DGKB: variants seen among roughly 807,000 people sequenced by gnomAD.
DGKB encodes diacylglycerol kinase beta.
A neutral mutation model predicts 114.3 loss-of-function variants in DGKB; 67 were observed. That is an observed-to-expected ratio of 0.59 (90% CI 0.48 to 0.72). The LOEUF is 0.72. Ranked by LOEUF, DGKB falls within the 30% of genes least tolerant of loss-of-function variation. The pLI is 0.00. For missense variants in DGKB, 907 were observed against 975.2 expected (o/e 0.93, Z 0.93); for synonymous variants, 398 against 323.1 (o/e 1.23, Z -2.49).
intron 12 of DGKB, among the ~76,000 whole-genome samples, chr7:14,675,715 A>G (rs116318573): frequency 0.015 from 2,285 of 152,054 alleles, 54 homozygotes; most frequent in African/African-American, 0.052. Flanking sequence ...AAGTTTAGTA[A>G]CCATACTATC....
At chr7:14,767,868 T>C (rs1375104819) in intron 2 of DGKB, among the ~76,000 whole-genome samples, 6 of 152,000 alleles carry the variant, frequency 3.9e-5, no homozygotes, top group African/African-American at 1.2e-4. Flanking sequence ...TAAGTTCTTA[T>C]GTGGGTTGCA....
At chr7:14,493,951 CACACACACACAT>C (rs979395485) in intron 20 of DGKB, among the ~76,000 whole-genome samples, 9 of 151,490 alleles carry the variant, frequency 5.9e-5, no homozygotes, top group South Asian at 2.1e-4. Flanking sequence ...CACACACACA[CACACACACACAT>C]CTATGTACAC....
chr7:14,920,047 G>C (rs182193221), intron 1 of DGKB, among the ~76,000 whole-genome samples: 1 of 152,110 alleles, frequency 6.6e-6, no homozygotes, highest in African/African-American at 2.4e-5. Context: ...ACAAACTAAT[G>C]AATACAAACA....
chr7:14,822,407 T>C (rs1281110041), intron 2 of DGKB, among the ~76,000 whole-genome samples: 2 of 151,954 alleles, frequency 1.3e-5, no homozygotes, highest in Non-Finnish European at 2.9e-5. Context: ...TAATCAGATA[T>C]AGGGTAGGAA....
At chr7:14,239,202 T>C (rs1416535444) in intron 23 of DGKB, among the ~76,000 whole-genome samples, 3 of 152,102 alleles carry the variant, frequency 2.0e-5, no homozygotes, top group Non-Finnish European at 1.5e-5. Flanking sequence ...TGGGTTGTTT[T>C]GGCAATAAAA....
intron 2 of DGKB, among the ~76,000 whole-genome samples, chr7:14,823,028 C>CT (rs973226286): frequency 6.6e-6 from 1 of 151,908 alleles, no homozygotes; most frequent in African/African-American, 2.4e-5. Flanking sequence ...GTAAATAGTA[C>CT]TTTTAAAAAA....
Position 14,148,206 on chromosome 7 carries a change from G to A in DGKB, c.*925C>T, listed in dbSNP as rs1054873675. On this transcript the variant is annotated 3_prime_UTR_variant, in exon 26 of 26. Coordinates refer to ENST00000402815, the MANE Select transcript of DGKB (RefSeq NM_001350709.2). ...ATCATAATTAATGGGCAACTCACTC[G>A]CTTTCCAGCATTTTAGTCATCACAA... 3 of 152,554 alleles carry A rather than the reference G, an allele frequency of 2.0e-5. No homozygotes were observed. Among genetic ancestry groups the A allele is most frequent in the Non-Finnish European group, 2.9e-5 (2 of 68,012 alleles). 9.5% of individuals were successfully genotyped at this position (152,554 alleles called of 1,614,324 possible).
chr7:14,946,977 A>T (rs1785918031), intron 1 of DGKB, among the ~76,000 whole-genome samples: 1 of 151,712 alleles, frequency 6.6e-6, no homozygotes, highest in Admixed American at 6.6e-5. Flanking sequence ...AATAAGTCAT[A>T]CTCTAAGAAC....
chr7:14,743,773 T>C (rs555974538), intron 4 of DGKB, among the ~76,000 whole-genome samples: 1 of 152,314 alleles, frequency 6.6e-6, no homozygotes, highest in African/African-American at 2.4e-5. Flanking sequence ...AACCACATTT[T>C]GTCAATCACA....
chr7:14,729,358 G>C (rs968005101), intron 5 of DGKB, among the ~76,000 whole-genome samples: 3 of 151,930 alleles, frequency 2.0e-5, no homozygotes, highest in Non-Finnish European at 4.4e-5. Flanking sequence ...TCCTGACCTT[G>C]TGATTCGCCC....
intron 1 of DGKB, among the ~76,000 whole-genome samples, chr7:14,918,444 G>C (rs1245825872): frequency 1.3e-5 from 2 of 152,060 alleles, no homozygotes; most frequent in Non-Finnish European, 2.9e-5. Flanking sequence ...AAATTAAATT[G>C]CCTTTCTATA....
intron 20 of DGKB, among the ~76,000 whole-genome samples, chr7:14,508,141 T>G (rs1390283329): frequency 1.3e-5 from 2 of 152,190 alleles, no homozygotes; most frequent in African/African-American, 4.8e-5. Context: ...ACGTGCATCT[T>G]GTCTTTATTT....
chr7:14,705,924 C>G (rs964879686), intron 6 of DGKB, among the ~76,000 whole-genome samples: 25 of 151,586 alleles, frequency 1.6e-4, no homozygotes, highest in Non-Finnish European at 3.2e-4. Flanking sequence ...GCAAAATCAC[C>G]AGCTAACATC....
chr7:14,441,771 C>A (rs2128813330), intron 21 of DGKB, among the ~76,000 whole-genome samples: 1 of 151,926 alleles, frequency 6.6e-6, no homozygotes, highest in East Asian at 1.9e-4. Context: ...ATGTTTTTTG[C>A]TCTCTTATCA....
intron 1 of DGKB, among the ~76,000 whole-genome samples, chr7:14,936,115 G>A (rs552285569): frequency 3.1e-4 from 47 of 152,246 alleles, no homozygotes; most frequent in African/African-American, 1.1e-3. Context: ...GCCTCTGTAG[G>A]TTTTTAACAT....
At chr7:14,829,845 T>C (rs1846178300) in intron 2 of DGKB, among the ~76,000 whole-genome samples, 2 of 152,200 alleles carry the variant, frequency 1.3e-5, no homozygotes, top group Middle Eastern at 6.8e-3. Context: ...CACAGAGTAG[T>C]GCCTCATAAG....
intron 4 of DGKB, among the ~76,000 whole-genome samples, chr7:14,738,345 C>T (rs1313722082): frequency 2.0e-5 from 3 of 152,180 alleles, no homozygotes; most frequent in African/African-American, 7.2e-5. Flanking sequence ...GTTCCTAGGT[C>T]TTCCATAATC....
intron 21 of DGKB, 69 bp downstream of exon 21, chr7:14,478,092 C>T (rs1782459096): frequency 2.0e-6 from 2 of 1,007,384 alleles, no homozygotes; most frequent in South Asian, 2.9e-5. Flanking sequence ...TATTCTGTAC[C>T]ATCTAGTGAT....
At chr7:14,197,921 A>G (rs1424766287) in intron 23 of DGKB, among the ~76,000 whole-genome samples, 1 of 152,074 alleles carries the variant, frequency 6.6e-6, no homozygotes, top group Non-Finnish European at 1.5e-5. Context: ...AGTCCTCCTA[A>G]GTAAGGTCAC....
Sources: gnomAD v4.1 joint callset for allele counts (sites outside exome capture counted in the v4.1 genomes callset) on GRCh38, gnomAD v4.1.1 for gene constraint, MANE v1.5 for transcripts, NCBI Gene and HGNC (gene_info 2026-07-23, HGNC 2026-07-21) for gene names.